Variants in TFB1M observed in about 807,000 individuals in gnomAD.
TFB1M encodes dimethyladenosine transferase 1, mitochondrial.
A neutral mutation model predicts 31.1 loss-of-function variants in TFB1M; 27 were observed. The ratio of observed to expected loss-of-function variants is 0.87; its 90% confidence interval spans 0.64 to 1.20. TFB1M has a LOEUF of 1.20. Ranked by LOEUF, TFB1M falls within the 50% of genes most tolerant of loss-of-function variation. The pLI is 0.00. For synonymous variants in TFB1M, 166 were observed against 151.8 expected (o/e 1.09, Z -0.69); for missense variants, 394 against 418.7 (o/e 0.94, Z 0.51).
At chr6:155,247,945 GAATTT>G in the TFB1M span, 3 of 1,548,454 alleles carry the variant, frequency 1.9e-6, no homozygotes, top group Non-Finnish European at 1.8e-6. Context: ...GAGAAATGAA[GAATTT>G]AATTCACCCC....
intron 4 of TFB1M, among the ~76,000 whole-genome samples, chr6:155,287,135 A>G (rs1776695310): frequency 6.6e-6 from 1 of 152,166 alleles, no homozygotes; most frequent in African/African-American, 2.4e-5. Context: ...AACCTAACAG[A>G]ACCTGATATT....
chr6:155,284,941 T>C (rs1776557639), intron 5 of TFB1M, among the ~76,000 whole-genome samples: 1 of 152,244 alleles, frequency 6.6e-6, no homozygotes, highest in Admixed American at 6.5e-5. Context: ...ATAACATGCA[T>C]GAACCTAAAC....
rs1675262318 is a variant in TFB1M, at chr6:155,256,946, G to A, written c.*890C>T. 1 of 1,614,014 alleles carries A rather than the reference G, an allele frequency of 6.2e-7. No homozygotes were observed. The highest frequency in any genetic ancestry group is 1.7e-5 in the Admixed American group (1 of 59,990). ...AAACGAAAAGCCAACAGCACCAAGA[G>A]GGACAGAGGAACTTTGCTCAAGGCG... On this transcript the variant is annotated 3_prime_UTR_variant, in exon 7 of 7. Coordinates refer to ENST00000367166, the MANE Select transcript of TFB1M (RefSeq NM_016020.4).
At chr6:155,292,083 T>C (rs946522705) in intron 4 of TFB1M, among the ~76,000 whole-genome samples, 3 of 152,128 alleles carry the variant, frequency 2.0e-5, no homozygotes, top group African/African-American at 4.8e-5. Flanking sequence ...AGATGAGCCT[T>C]AGATGCCCGG....
At chr6:155,243,279 G>C in the TFB1M span, among the ~76,000 whole-genome samples, 1 of 152,122 alleles carries the variant, frequency 6.6e-6, no homozygotes, top group South Asian at 2.1e-4. Flanking sequence ...GACCCTCCCA[G>C]CTCCATGCTG....
At chr6:155,231,812 C>A in the TFB1M span, among the ~76,000 whole-genome samples, 1 of 152,232 alleles carries the variant, frequency 6.6e-6, no homozygotes, top group Non-Finnish European at 1.5e-5. Flanking sequence ...TGGTGGCTTG[C>A]GCCTGTAATC....
chr6:155,277,725 A>T (rs996650579), intron 5 of TFB1M, among the ~76,000 whole-genome samples: 2 of 152,208 alleles, frequency 1.3e-5, no homozygotes, highest in African/African-American at 4.8e-5. Context: ...TAGAAGGTTA[A>T]ATGATTGTTT....
the TFB1M span, among the ~76,000 whole-genome samples, chr6:155,239,244 A>G: frequency 6.6e-5 from 10 of 152,370 alleles, no homozygotes; most frequent in African/African-American, 2.4e-4. Context: ...TTTAGTTGAC[A>G]GTCAGAAAGT....
chr6:155,248,416 C>T, the TFB1M span, among the ~76,000 whole-genome samples: 4 of 152,234 alleles, frequency 2.6e-5, no homozygotes, highest in African/African-American at 7.2e-5. Context: ...ATCCGGGTAG[C>T]GCCATACTCC....
At chr6:155,282,315 A>C (rs766420190) in intron 5 of TFB1M, among the ~76,000 whole-genome samples, 21 of 152,198 alleles carry the variant, frequency 1.4e-4, no homozygotes, top group Non-Finnish European at 2.4e-4. Flanking sequence ...TCAGAACAGG[A>C]TTGTAATAGT....
At chr6:155,235,528 C>G in the TFB1M span, among the ~76,000 whole-genome samples, 2 of 152,220 alleles carry the variant, frequency 1.3e-5, no homozygotes, top group Non-Finnish European at 2.9e-5. Flanking sequence ...GTAAACATCA[C>G]GAACAGTGGG....
chr6:155,242,901 AT>A, the TFB1M span, among the ~76,000 whole-genome samples: 210 of 131,874 alleles, frequency 1.6e-3, no homozygotes, highest in Admixed American at 4.7e-3. Flanking sequence ...ACACCCAGCT[AT>A]TTTTTTTTTT....
At chr6:155,312,875 C>G (rs1170937564) in intron 1 of TFB1M, among the ~76,000 whole-genome samples, 3 of 151,958 alleles carry the variant, frequency 2.0e-5, no homozygotes, top group Non-Finnish European at 4.4e-5. Flanking sequence ...GCAGAAAAGG[C>G]TGGTACTAGC....
At position 155,285,173 on chromosome 6, in the gene TFB1M, A is replaced by G. The variant is rs940359759; in HGVS notation, c.651T>C (p.Phe217=). The G allele has an allele frequency of 6.2e-7, 1 of 1,613,886 alleles. No homozygotes were observed. Among genetic ancestry groups the G allele is most frequent in the African/African-American group, 1.3e-5 (1 of 74,944 alleles). Residue 217 remains phenylalanine, a synonymous_variant, in exon 5 of 7, where the codon TTT becomes TTC. Transcript: ENST00000367166. The part of the protein sequence containing the change: ...RHIFTIPGQA[F]VPKPEVDVGV... ...AGAAACTTACCTCTGGTTTGGGGAC[A>G]AAAGCTTGTCCTGGAATCGTAAAGA...
At chr6:155,287,631 T>C (rs758597286) in intron 4 of TFB1M, among the ~76,000 whole-genome samples, 4 of 151,356 alleles carry the variant, frequency 2.6e-5, no homozygotes, top group South Asian at 2.1e-4. Flanking sequence ...ATGGAAATAA[T>C]GATGACGAAA....
intron 5 of TFB1M, chr6:155,275,949 T>C (rs748605256): frequency 1.2e-6 from 2 of 1,614,214 alleles, no homozygotes; most frequent in Non-Finnish European, 1.7e-6. Context: ...CCCATCCACG[T>C]GCAGGCTGCG....
At chr6:155,290,136 C>T (rs377097929) in intron 4 of TFB1M, among the ~76,000 whole-genome samples, 1 of 152,226 alleles carries the variant, frequency 6.6e-6, no homozygotes, top group East Asian at 1.9e-4. Flanking sequence ...CCTGTAATCC[C>T]AGCACTTTAG....
At chr6:155,285,419 A>C in intron 4 of TFB1M, 142 bp from the exon 5 acceptor site, 1 of 858,986 alleles carries the variant, frequency 1.2e-6, no homozygotes. Flanking sequence ...GACACATGAC[A>C]CACAGCAAAC....
the TFB1M span, among the ~76,000 whole-genome samples, chr6:155,240,104 G>A: frequency 3.3e-5 from 5 of 152,354 alleles, no homozygotes; most frequent in East Asian, 7.7e-4. Flanking sequence ...TGTTCTGTGT[G>A]GGAGATGGAA....
Sources: allele counts gnomAD v4.1 joint callset (sites outside exome capture counted in the v4.1 genomes callset), GRCh38; gene constraint gnomAD v4.1.1; transcripts MANE v1.5; gene names NCBI Gene and HGNC (gene_info 2026-07-23, HGNC 2026-07-21).